Variants in SLC44A5 observed in about 807,000 individuals in gnomAD.
SLC44A5 encodes the protein choline transporter-like protein 5.
In SLC44A5, 57 loss-of-function variants were observed where a neutral mutation model predicts 101.8. The observed-to-expected ratio is 0.56, with a 90% confidence interval of 0.45 to 0.70. The LOEUF (loss-of-function observed/expected upper bound fraction) is 0.70, where lower values mean the gene tolerates loss of function less well. SLC44A5 is among the 30% of genes least tolerant of loss of function. The probability of loss-of-function intolerance (pLI) is 0.00; values close to 1 mark genes in which losing one functional copy is unlikely to be tolerated. For synonymous variants in SLC44A5, 281 were observed against 290.9 expected, an observed-to-expected ratio of 0.97 and a Z score of 0.35; for missense variants, 737 against 853.1, an observed-to-expected ratio of 0.86 and a Z score of 1.70.
the SLC44A5 span, among the ~76,000 whole-genome samples, chr1:75,676,201 T>C: frequency 6.6e-6 from 1 of 152,180 alleles, no homozygotes; most frequent in Non-Finnish European, 1.5e-5. Flanking sequence ...ACTGGCTACA[T>C]ACCCAAAGGA....
At chr1:75,642,072 T>G in the SLC44A5 span, 1 of 1,276,992 alleles carries the variant, frequency 7.8e-7, no homozygotes, top group Non-Finnish European at 1.1e-6. Flanking sequence ...ATGAAGAATC[T>G]GGGGGCTTCA....
intron 2 of SLC44A5, among the ~76,000 whole-genome samples, chr1:75,526,341 C>A (rs1231814019): frequency 1.3e-5 from 2 of 152,174 alleles, no homozygotes; most frequent in Non-Finnish European, 2.9e-5. Context: ...TTAATTACTC[C>A]CAGGTACTCC....
At chr1:75,388,885 TA>T (rs1661591211) in intron 3 of SLC44A5, among the ~76,000 whole-genome samples, 1 of 151,752 alleles carries the variant, frequency 6.6e-6, no homozygotes. Context: ...ATTTTTCTTT[TA>T]AAAAAAAGAC....
intron 2 of SLC44A5, among the ~76,000 whole-genome samples, chr1:75,495,772 A>T (rs1285464204): frequency 6.6e-6 from 1 of 152,120 alleles, no homozygotes; most frequent in Non-Finnish European, 1.5e-5. Flanking sequence ...TCTCTGTAAA[A>T]ATGCAATCTC....
chr1:75,306,798 A>G (rs1239915340), intron 4 of SLC44A5, among the ~76,000 whole-genome samples: 1 of 133,864 alleles, frequency 7.5e-6, no homozygotes, highest in Non-Finnish European at 1.5e-5. Flanking sequence ...GCAGTGGAGC[A>G]ATCTCGGCTC....
chr1:75,662,614 A>G, the SLC44A5 span, among the ~76,000 whole-genome samples: 1 of 152,134 alleles, frequency 6.6e-6, no homozygotes. Context: ...AAAATATCAC[A>G]TGGTCCCCAT....
At chr1:75,488,053 C>T (rs976041124) in intron 2 of SLC44A5, among the ~76,000 whole-genome samples, 2 of 151,696 alleles carry the variant, frequency 1.3e-5, no homozygotes, top group African/African-American at 4.9e-5. Context: ...GAATCTAATG[C>T]CTGATGATCT....
chr1:75,264,326 C>T (rs1253650704), intron 6 of SLC44A5, among the ~76,000 whole-genome samples: 3 of 152,130 alleles, frequency 2.0e-5, no homozygotes, highest in Admixed American at 6.5e-5. Context: ...GCATTGATCC[C>T]CATGTGCCCA....
intron 5 of SLC44A5, among the ~76,000 whole-genome samples, chr1:75,282,476 G>A (rs1570567123): frequency 6.6e-6 from 1 of 152,146 alleles, no homozygotes; most frequent in Non-Finnish European, 1.5e-5. Context: ...CTGTTGGGAA[G>A]GCATAATTGT....
the SLC44A5 span, among the ~76,000 whole-genome samples, chr1:75,656,042 C>T: frequency 6.6e-6 from 1 of 152,048 alleles, no homozygotes; most frequent in Non-Finnish European, 1.5e-5. Context: ...TAAAGGAGTT[C>T]CTATACATCT....
chr1:75,311,258 AG>A (rs1206423729), intron 4 of SLC44A5, among the ~76,000 whole-genome samples: 2 of 152,206 alleles, frequency 1.3e-5, no homozygotes, highest in East Asian at 3.9e-4. Flanking sequence ...CTGGGATTAC[AG>A]GCACTCACCA....
chr1:75,224,824 AAAG>A (rs1459213985), intron 13 of SLC44A5, among the ~76,000 whole-genome samples: 3 of 152,058 alleles, frequency 2.0e-5, no homozygotes, highest in Admixed American at 6.5e-5. Flanking sequence ...GAATGTAAAG[AAAG>A]AAGATGTTTT....
chr1:75,320,882 A>G (rs1335732543), intron 4 of SLC44A5, among the ~76,000 whole-genome samples: 1 of 152,164 alleles, frequency 6.6e-6, no homozygotes, highest in Non-Finnish European at 1.5e-5. Flanking sequence ...AGGTTGAAGC[A>G]GCACAAATAA....
At chr1:75,527,292 GAGAGAA>G (rs797018582) in intron 2 of SLC44A5, among the ~76,000 whole-genome samples, 6 of 134,408 alleles carry the variant, frequency 4.5e-5, no homozygotes, top group African/African-American at 1.8e-4. Flanking sequence ...AAGGGAGAAA[GAGAGAA>G]AGAGAGACAG....
chr1:75,307,139 T>C (rs1654975232), intron 4 of SLC44A5, among the ~76,000 whole-genome samples: 1 of 152,180 alleles, frequency 6.6e-6, no homozygotes, highest in Admixed American at 6.5e-5. Flanking sequence ...CTAAAAGTCA[T>C]TATTCTCTGA....
chr1:75,304,596 A>G (rs1291559367), intron 4 of SLC44A5, among the ~76,000 whole-genome samples: 2 of 152,144 alleles, frequency 1.3e-5, no homozygotes, highest in African/African-American at 4.8e-5. Context: ...TAAATGTTCT[A>G]TAGGAAATGA....
the SLC44A5 span, among the ~76,000 whole-genome samples, chr1:75,646,956 A>G: frequency 4.6e-5 from 7 of 152,224 alleles, no homozygotes; most frequent in Non-Finnish European, 7.3e-5. Flanking sequence ...TTCTGATGAG[A>G]AATTCAAGCC....
chr1:75,336,878 T>C (rs1657486634), intron 4 of SLC44A5, among the ~76,000 whole-genome samples: 1 of 152,180 alleles, frequency 6.6e-6, no homozygotes, highest in South Asian at 2.1e-4. Flanking sequence ...CCATGAGACC[T>C]AGTAATGCAA....
At chr1:75,580,228 TAAACAAA>T (rs1378497160) in intron 1 of SLC44A5, among the ~76,000 whole-genome samples, 2 of 151,900 alleles carry the variant, frequency 1.3e-5, no homozygotes, top group African/African-American at 4.8e-5. Context: ...TAGTTACAAA[TAAACAAA>T]AAATAAAAAT....
Sources: gnomAD v4.1 joint callset for allele counts (sites outside exome capture counted in the v4.1 genomes callset) on GRCh38, gnomAD v4.1.1 for gene constraint, MANE v1.5 for transcripts, NCBI Gene and HGNC (gene_info 2026-07-23, HGNC 2026-07-21) for gene names.